The following LRMDA variants were observed in gnomAD, a reference collection of about 807,000 sequenced individuals.
LRMDA encodes the protein leucine rich melanocyte differentiation associated, also known as leucine-rich melanocyte differentiation-associated protein.
In LRMDA, 18 loss-of-function variants were observed where a neutral mutation model predicts 29.8. That is an observed-to-expected ratio of 0.60 (90% CI 0.42 to 0.90). The LOEUF (loss-of-function observed/expected upper bound fraction) is 0.90, where lower values mean the gene tolerates loss of function less well. Ranked by LOEUF, LRMDA falls within the 40% of genes least tolerant of loss-of-function variation. The pLI, the probability that LRMDA is intolerant of heterozygous loss-of-function variation, is 0.00. For synonymous variants in LRMDA, 125 were observed against 109.4 expected, an observed-to-expected ratio of 1.14 and a Z score of -0.89; for missense variants, 273 against 273.9, an observed-to-expected ratio of 1.00 and a Z score of 0.02.
intron 2 of LRMDA, among the ~76,000 whole-genome samples, chr10:75,652,910 A>C (rs2132128041): frequency 6.6e-6 from 1 of 152,328 alleles, no homozygotes; most frequent in South Asian, 2.1e-4. Context: ...CTTGGAGTAA[A>C]GCTCATACTT....
chr10:75,977,751 G>A (rs1039752951), intron 2 of LRMDA, among the ~76,000 whole-genome samples: 90 of 152,128 alleles, frequency 5.9e-4, no homozygotes, highest in African/African-American at 2.0e-3. Context: ...TCCCTCTGAG[G>A]GTCCAGGTCT....
chr10:75,628,824 A>G (rs1841284247), intron 2 of LRMDA, among the ~76,000 whole-genome samples: 1 of 152,134 alleles, frequency 6.6e-6, no homozygotes, highest in African/African-American at 2.4e-5. Flanking sequence ...CTGGTTTCCA[A>G]AAGTCCACCT....
chr10:76,040,819 T>C (rs991606792), intron 3 of LRMDA, among the ~76,000 whole-genome samples: 2 of 152,234 alleles, frequency 1.3e-5, no homozygotes, highest in African/African-American at 4.8e-5. Context: ...GGAATCACAC[T>C]TCATCTTCTG....
At chr10:75,690,490 A>T (rs1349450317) in intron 2 of LRMDA, among the ~76,000 whole-genome samples, 7 of 151,600 alleles carry the variant, frequency 4.6e-5, no homozygotes, top group South Asian at 2.1e-4. Context: ...TTTTATTGTT[A>T]TTTTTTTTAA....
chr10:75,469,445 C>A (rs1280054431), intron 2 of LRMDA, among the ~76,000 whole-genome samples: 1 of 152,034 alleles, frequency 6.6e-6, no homozygotes, highest in Non-Finnish European at 1.5e-5. Flanking sequence ...AGAGCGTGTG[C>A]TGCTTTCTGT....
intron 5 of LRMDA, among the ~76,000 whole-genome samples, chr10:76,297,350 G>C (rs1007390811): frequency 6.6e-6 from 1 of 152,288 alleles, no homozygotes. Context: ...GAGCTAAATG[G>C]TTATCAGATA....
chr10:76,254,332 T>TACCATACCAC (rs2132300702), intron 5 of LRMDA, among the ~76,000 whole-genome samples: 1 of 150,624 alleles, frequency 6.6e-6, no homozygotes, highest in Non-Finnish European at 1.5e-5. Context: ...TACCATACCA[T>TACCATACCAC]ACCATACCAT....
intron 5 of LRMDA, among the ~76,000 whole-genome samples, chr10:76,163,249 G>T (rs553696074): frequency 3.0e-4 from 46 of 152,272 alleles, no homozygotes; most frequent in African/African-American, 1.1e-3. Context: ...ATAATGTGAT[G>T]TCAGATAAAT....
intron 2 of LRMDA, among the ~76,000 whole-genome samples, chr10:75,770,167 T>C (rs904028230): frequency 3.3e-5 from 5 of 151,672 alleles, no homozygotes; most frequent in African/African-American, 7.3e-5. Flanking sequence ...GGTACACACG[T>C]GTAGCCCCAG....
chr10:76,369,463 T>C (rs1841428293), intron 6 of LRMDA, among the ~76,000 whole-genome samples: 1 of 152,138 alleles, frequency 6.6e-6, no homozygotes, highest in Non-Finnish European at 1.5e-5. Flanking sequence ...GCTTGTAGGG[T>C]TTCTGCTGAG....
At chr10:76,177,194 C>T (rs996276845) in intron 5 of LRMDA, among the ~76,000 whole-genome samples, 1 of 152,190 alleles carries the variant, frequency 6.6e-6, no homozygotes, top group Non-Finnish European at 1.5e-5. Context: ...AATTTCTCTA[C>T]CTGCCAAGTA....
intron 5 of LRMDA, among the ~76,000 whole-genome samples, chr10:76,198,577 T>C (rs1200724638): frequency 1.3e-5 from 2 of 152,194 alleles, no homozygotes; most frequent in Non-Finnish European, 2.9e-5. Flanking sequence ...GTTTATAACT[T>C]ACAGGTCTTT....
At chr10:75,573,717 C>A (rs993835789) in intron 2 of LRMDA, among the ~76,000 whole-genome samples, 5 of 152,172 alleles carry the variant, frequency 3.3e-5, no homozygotes, top group African/African-American at 9.6e-5. Flanking sequence ...AAATAACATT[C>A]AGTTCTACTT....
chr10:76,520,511 A>T (rs1401075699), intron 6 of LRMDA, among the ~76,000 whole-genome samples: 1 of 152,156 alleles, frequency 6.6e-6, no homozygotes, highest in African/African-American at 2.4e-5. Flanking sequence ...AACTTGTCCA[A>T]TCTCTGATAT....
At chr10:75,665,642 G>A (rs34530873) in intron 2 of LRMDA, among the ~76,000 whole-genome samples, 124 of 152,342 alleles carry the variant, frequency 8.1e-4, no homozygotes, top group Non-Finnish European at 8.2e-4. Context: ...GACCTGAAGT[G>A]ATGTGAAATT....
Position 76,559,638 on chromosome 10 carries a change from A to T in LRMDA, c.*2350A>T, listed in dbSNP as rs1490412786. 3 of 152,210 alleles carry T rather than the reference A, an allele frequency of 2.0e-5. No individual in the cohort carries two copies. The highest frequency in any genetic ancestry group is 7.2e-5 in the African/African-American group (3 of 41,452). The allele number at this position is 152,210 out of a possible 1,614,324, so 9.4% of individuals were successfully genotyped here. A position where few individuals can be genotyped will look rare whatever the true frequency, so the allele number is the denominator to read the frequency against. On this transcript the variant is annotated 3_prime_UTR_variant, in exon 7 of 7. Transcript: ENST00000611255. ...AGAACCCATGTTGCATGTTTATCCTAAATCTGTAGGAATTTCCCAAACCTT... is the reference window on the plus strand; with the variant it reads ...AGAACCCATGTTGCATGTTTATCCTTAATCTGTAGGAATTTCCCAAACCTT...
chr10:76,211,844 T>C (rs367855674), intron 5 of LRMDA, among the ~76,000 whole-genome samples: 2 of 152,356 alleles, frequency 1.3e-5, no homozygotes, highest in East Asian at 1.9e-4. Flanking sequence ...CTAAATGTCT[T>C]CAGAGTCTCA....
At chr10:75,712,033 C>CACAG (rs1457366225) in intron 2 of LRMDA, among the ~76,000 whole-genome samples, 3 of 152,028 alleles carry the variant, frequency 2.0e-5, no homozygotes, top group Non-Finnish European at 4.4e-5. Context: ...GTTCAGCTTG[C>CACAG]ACAGGCCTGG....
intron 6 of LRMDA, among the ~76,000 whole-genome samples, chr10:76,438,264 T>G (rs992550396): frequency 2.6e-5 from 4 of 152,188 alleles, no homozygotes; most frequent in African/African-American, 9.7e-5. Flanking sequence ...AGGCTCTCTG[T>G]GTGTTTTATG....
Sources: allele counts gnomAD v4.1 joint callset (sites outside exome capture counted in the v4.1 genomes callset), GRCh38; gene constraint gnomAD v4.1.1; transcripts MANE v1.5; gene names NCBI Gene and HGNC (gene_info 2026-07-23, HGNC 2026-07-21).